The following COMT variants were observed in gnomAD, a reference collection of about 807,000 sequenced individuals.
The protein encoded by COMT is catechol O-methyltransferase.
COMT carries 13 observed loss-of-function variants against 18.9 expected under a neutral mutation model. That is an observed-to-expected ratio of 0.69 (90% CI 0.45 to 1.09). The LOEUF (loss-of-function observed/expected upper bound fraction) is 1.09. Ranked by LOEUF, COMT falls within the 50% of genes least tolerant of loss-of-function variation. The probability of loss-of-function intolerance (pLI) is 0.00; values close to 1 mark genes in which losing one functional copy is unlikely to be tolerated. For synonymous variants in COMT, 150 were observed against 160.9 expected, an observed-to-expected ratio of 0.93 and a Z score of 0.51; for missense variants, 329 against 361.8, an observed-to-expected ratio of 0.91 and a Z score of 0.73.
At position 19,962,728 on chromosome 22, in the gene COMT, G is replaced by A. The variant is rs1250960319; in HGVS notation, c.202G>A (p.Glu68Lys). The change falls in exon 3 of 6, where the codon GAG (glutamate) becomes AAG (lysine). Residue 68 changes from glutamate to lysine, a missense_variant. Transcript: ENST00000361682. ...RILNHVLQHA[E>K]PGNAQSVLEA... ...CCTGAACCACGTGCTGCAGCATGCG[G>A]AGCCCGGGAACGCACAGAGCGTGCT... 1 of 1,613,758 alleles carries A rather than the reference G, an allele frequency of 6.2e-7. No homozygotes were observed. The highest frequency in any genetic ancestry group is 1.7e-5 in the Admixed American group (1 of 60,020).
chr22:19,968,878 C>A lies in COMT; in HGVS notation c.*142C>A. ...CGGCCGAGGCCTGCGCCCTGACATG[C>A]TAACCTCTCTGAACTGCAACACTGG... On this transcript the variant is annotated 3_prime_UTR_variant, in exon 6 of 6. Coordinates refer to ENST00000361682, the MANE Select transcript of COMT (RefSeq NM_000754.4). 1.4e-6 allele frequency: 1 copy of A among 736,638 alleles called. No individual in the cohort carries two copies. The highest frequency in any genetic ancestry group is 2.3e-6 in the Non-Finnish European group (1 of 428,724). The allele number at this position is 736,638 out of a possible 1,614,324, so 45.6% of individuals were successfully genotyped here.
intron 1 of COMT, among the ~76,000 whole-genome samples, chr22:19,944,031 T>C (rs919373156): frequency 6.6e-6 from 1 of 152,186 alleles, no homozygotes; most frequent in Non-Finnish European, 1.5e-5. Flanking sequence ...GCAGGGCTGT[T>C]TTTTTCAGAT....
chr22:19,959,390 AC>A (rs1291115984), intron 1 of COMT, among the ~76,000 whole-genome samples: 1 of 152,118 alleles, frequency 6.6e-6, no homozygotes, highest in African/African-American at 2.4e-5. Context: ...GCGTGATCCC[AC>A]CCTCCTCCGT....
At chr22:19,944,046 G>T (rs533164761) in intron 1 of COMT, among the ~76,000 whole-genome samples, 7 of 152,238 alleles carry the variant, frequency 4.6e-5, no homozygotes, top group African/African-American at 1.7e-4. Context: ...TCAGATCCTG[G>T]GGGCAAAGGG....
chr22:19,946,910 G>GGTTTTTTTTTTTTTTTTTTTTTTTTTTTT (rs763607822), intron 1 of COMT, among the ~76,000 whole-genome samples: 1 of 117,120 alleles, frequency 8.5e-6, no homozygotes, highest in Non-Finnish European at 1.7e-5. Flanking sequence ...TTTTTTTTTA[G>GGTTTTTTTTTTTTTTTTTTTTTTTTTTTT]TTTTTTTTTT....
At chr22:19,952,481 C>T (rs559073578) in intron 1 of COMT, among the ~76,000 whole-genome samples, 5 of 151,462 alleles carry the variant, frequency 3.3e-5, no homozygotes, top group Admixed American at 6.6e-5. Context: ...CTACCAAAAA[C>T]ACAAAAAAGT....
At chr22:19,967,059 C>T (rs1202747994) in intron 5 of COMT, 2 of 1,213,420 alleles carry the variant, frequency 1.6e-6, no homozygotes, top group African/African-American at 1.6e-5. Context: ...TGCCTTCTTT[C>T]CCCTCTTGAC....
At chr22:19,944,546 C>T (rs35527466) in intron 1 of COMT, among the ~76,000 whole-genome samples, 6 of 144,578 alleles carry the variant, frequency 4.2e-5, no homozygotes, top group Non-Finnish European at 7.5e-5. Context: ...AGAATTAGGC[C>T]GGGAGCGGTG....
chr22:19,968,605 T>C lies in COMT; in HGVS notation c.685T>C (p.Phe229Leu). ...DNVICPGAPD[F>L]LAHVRGSSCF... The stretch of plus-strand genomic sequence containing the variant: ...CGTGATCTGCCCAGGTGCGCCAGAC[T>C]TCCTAGCACACGTGCGCGGGAGCAG... Residue 229 changes from phenylalanine (F) to leucine (L), a missense_variant, in exon 6 of 6, where the codon TTC (phenylalanine) becomes CTC (leucine). Phe to Leu is a conservative substitution (Grantham distance 22). Transcript: ENST00000361682. The C allele has an allele frequency of 6.2e-7, 1 of 1,614,048 alleles. No individual in the cohort carries two copies.
rs926785490 is a variant in COMT, at chr22:19,960,692, G to A, written c.-91-507G>A. Among the ~76,000 whole-genome samples, 6 of 152,226 alleles carry A rather than the reference G, an allele frequency of 3.9e-5. No homozygotes were observed. In the South Asian group the frequency reaches 6.2e-4, roughly 16 times the overall value. On this transcript the variant is annotated intron_variant, in intron 1 of 5. Coordinates refer to ENST00000361682, the MANE Select transcript of COMT (RefSeq NM_000754.4). The stretch of plus-strand genomic sequence containing the variant: ...CCCCACTGTCACTGAGCCCTGCACC[G>A]GGTTCCATCACCTGCTCGGGGCTCT...
chr22:19,943,007 C>T (rs962560700), intron 1 of COMT, among the ~76,000 whole-genome samples: 1 of 152,192 alleles, frequency 6.6e-6, no homozygotes, highest in African/African-American at 2.4e-5. Context: ...TTGTGGCAGC[C>T]TTGAACTTCT....
chr22:19,947,516 A>G (rs1159913712), intron 1 of COMT, among the ~76,000 whole-genome samples: 2 of 152,218 alleles, frequency 1.3e-5, no homozygotes, highest in Admixed American at 6.5e-5. Flanking sequence ...TCACGTGTCC[A>G]CTGGACGGGG....
intron 5 of COMT, chr22:19,967,682 T>C: frequency 1.1e-5 from 3 of 281,006 alleles, no homozygotes; most frequent in South Asian, 9.8e-5. Flanking sequence ...TTTATTATAC[T>C]TTAGATGTTT....
intron 1 of COMT, among the ~76,000 whole-genome samples, chr22:19,959,031 G>T (rs564387363): frequency 6.6e-6 from 1 of 152,310 alleles, no homozygotes; most frequent in South Asian, 2.1e-4. Flanking sequence ...GGTAAGGGGG[G>T]ACTCTTGACG....
chr22:19,962,384 G>T (rs1160300697), intron 2 of COMT, 143 bp from the exon 3 acceptor site: 1 of 1,430,466 alleles, frequency 7.0e-7, no homozygotes, highest in Non-Finnish European at 9.4e-7. Flanking sequence ...GACACGTCAG[G>T]CAACTGAGGC....
At chr22:19,966,735 A>C (rs9332373) in intron 5 of COMT, among the ~76,000 whole-genome samples, 6 of 151,582 alleles carry the variant, frequency 4.0e-5, no homozygotes, top group Admixed American at 1.3e-4. Context: ...GCTTGGTCTG[A>C]GGCTCCAACT....
intron 5 of COMT, 47 bp downstream of exon 5, chr22:19,964,346 CCATT>C (rs563298832): frequency 6.2e-5 from 100 of 1,613,354 alleles, no homozygotes; most frequent in African/African-American, 5.6e-4. Flanking sequence ...TGCCCAGAGC[CCATT>C]CAGTCAGCCT....
chr22:19,950,261 T>TTTTTTTTTTTTTTTTTG (rs763598655), intron 1 of COMT, among the ~76,000 whole-genome samples: 21 of 132,802 alleles, frequency 1.6e-4, no homozygotes, highest in East Asian at 6.9e-4. Flanking sequence ...TTTTTTTTTT[T>TTTTTTTTTTTTTTTTTG]TTCTGTAGAG....
At chr22:19,967,158 G>C (rs1005904961) in intron 5 of COMT, 1 of 1,302,548 alleles carries the variant, frequency 7.7e-7, no homozygotes, top group Non-Finnish European at 1.0e-6. Context: ...TGTTTAACTC[G>C]TGCAGGTGCA....
Sources: gnomAD v4.1 joint callset for allele counts (sites outside exome capture counted in the v4.1 genomes callset) on GRCh38, gnomAD v4.1.1 for gene constraint, MANE v1.5 for transcripts, NCBI Gene and HGNC (gene_info 2026-07-23, HGNC 2026-07-21) for gene names.